The following PKHD1L1 variants were observed in gnomAD, a reference collection of about 807,000 sequenced individuals.
PKHD1L1 encodes fibrocystin-L.
Under a neutral mutation model 462.9 loss-of-function variants are expected in PKHD1L1, and 434 were observed. The observed-to-expected ratio is 0.94, with a 90% CI of 0.87 to 1.02. PKHD1L1 has a LOEUF of 1.02. Among genes scored for constraint, PKHD1L1 ranks in the 50% least tolerant of loss-of-function variants. The probability of loss-of-function intolerance (pLI) is 0.00; values close to 1 mark genes in which losing one functional copy is unlikely to be tolerated. For synonymous variants in PKHD1L1, 1,781 were observed against 1,750.0 expected, an observed-to-expected ratio of 1.02 and a Z score of -0.44; for missense variants, 5,202 against 5,096.1, an observed-to-expected ratio of 1.02 and a Z score of -0.63.
chr8:109,415,228 C>A (rs975938000), intron 21 of PKHD1L1, among the ~76,000 whole-genome samples: 3 of 151,770 alleles, frequency 2.0e-5, no homozygotes, highest in African/African-American at 4.8e-5. Context: ...TCTTGAACTC[C>A]TAGGCTCAAG....
Position 109,452,753 on chromosome 8 carries a change from C to A in PKHD1L1, c.6543C>A (p.Ser2181=). The change falls in exon 43 of 78, where the codon TCC becomes TCA. Residue 2181 remains serine (S), a synonymous_variant. Coordinates refer to ENST00000378402, the MANE Select transcript of PKHD1L1 (RefSeq NM_177531.6). The stretch of plus-strand genomic sequence containing the variant: ...ACTTTCTTTATGTTGATGCCTGGTC[C>A]TCCAATTTCTCATGGGGGGGAAAAT... ...NADFLYVDAW[S]SNFSWGGKSP... 2 of 1,540,270 alleles carry A rather than the reference C, an allele frequency of 1.3e-6. No individual in the cohort carries two copies. The highest frequency in any genetic ancestry group is 8.7e-7 in the Non-Finnish European group (1 of 1,144,758).
chr8:109,472,473 G>A (rs943289507), intron 50 of PKHD1L1, among the ~76,000 whole-genome samples: 6 of 151,928 alleles, frequency 3.9e-5, no homozygotes, highest in East Asian at 1.9e-4. Context: ...TTCTTGTCAC[G>A]TTTCTCTGCA....
At chr8:109,475,815 T>C (rs1345461059) in intron 51 of PKHD1L1, among the ~76,000 whole-genome samples, 2 of 133,364 alleles carry the variant, frequency 1.5e-5, no homozygotes, top group African/African-American at 5.8e-5. Context: ...CCCACTGTAC[T>C]CCAGCCTGGG....
At position 109,398,442 on chromosome 8, in the gene PKHD1L1, A is replaced by G. The variant is rs183177593; in HGVS notation, c.923-17A>G. The G allele has an allele frequency of 3.4e-6, 5 of 1,452,850 alleles. No individual in the cohort carries two copies. Among genetic ancestry groups the G allele is most frequent in the Non-Finnish European group, 4.7e-6 (5 of 1,055,748 alleles). 90.0% of individuals were successfully genotyped at this position (1,452,850 alleles called of 1,614,324 possible). A position where few individuals can be genotyped will look rare whatever the true frequency, so the allele number is the denominator to read the frequency against. ...GAAGTTTCAGTAGTAACGGTTTTGTATCTTGCTTCTCTATAGGTGAACCTT... is the reference window on the plus strand; with the variant it reads ...GAAGTTTCAGTAGTAACGGTTTTGTGTCTTGCTTCTCTATAGGTGAACCTT... On this transcript the variant is annotated splice_polypyrimidine_tract_variant and intron_variant, in intron 11 of 77. Transcript: ENST00000378402.
At chr8:109,406,245 A>G (rs2130568223) in intron 16 of PKHD1L1, 90 bp from the exon 17 acceptor site, 5 of 1,295,056 alleles carry the variant, frequency 3.9e-6, no homozygotes. Flanking sequence ...CTTTAAAAAT[A>G]TAAATACGAG....
At chr8:109,515,873 C>T (rs1586655164) in intron 72 of PKHD1L1, among the ~76,000 whole-genome samples, 1 of 152,124 alleles carries the variant, frequency 6.6e-6, no homozygotes, top group Admixed American at 6.6e-5. Context: ...AAACAGGGTT[C>T]TAATGAGGCC....
chr8:109,375,405 A>AT (rs1275693810), intron 2 of PKHD1L1, among the ~76,000 whole-genome samples: 2 of 151,490 alleles, frequency 1.3e-5, no homozygotes, highest in South Asian at 2.1e-4. Context: ...CATTCGTCTA[A>AT]TTTTTTTTCA....
chr8:109,488,784 G>C (rs765146341), intron 59 of PKHD1L1, among the ~76,000 whole-genome samples: 1 of 151,916 alleles, frequency 6.6e-6, no homozygotes, highest in African/African-American at 2.4e-5. Flanking sequence ...TGGTAATGAC[G>C]AACATGACAC....
intron 2 of PKHD1L1, among the ~76,000 whole-genome samples, chr8:109,377,469 G>T (rs933370401): frequency 2.3e-4 from 35 of 152,022 alleles, no homozygotes; most frequent in African/African-American, 8.4e-4. Context: ...ATACAAATTT[G>T]CTAGTGCAAA....
At chr8:109,415,847 TA>T (rs71305948) in intron 21 of PKHD1L1, among the ~76,000 whole-genome samples, 21,668 of 116,670 alleles carry the variant, frequency 0.19, 2,528 homozygotes, top group Admixed American at 0.31. Flanking sequence ...GACCTTGTCT[TA>T]AAAAAAAAAA....
chr8:109,398,073 A>G (rs956104229), intron 11 of PKHD1L1, among the ~76,000 whole-genome samples: 1 of 152,092 alleles, frequency 6.6e-6, no homozygotes, highest in African/African-American at 2.4e-5. Flanking sequence ...GAAGAGGTCT[A>G]GGGTCATCTA....
chr8:109,387,719 A>C (rs1024663921), intron 6 of PKHD1L1, among the ~76,000 whole-genome samples: 4 of 152,326 alleles, frequency 2.6e-5, no homozygotes, highest in Middle Eastern at 3.4e-3. Flanking sequence ...GAAGGGACTT[A>C]TGTGTAAAAG....
chr8:109,530,278 C>T lies in PKHD1L1; in HGVS notation c.*188C>T, dbSNP rs187242796. 3.1e-6 allele frequency: 1 copy of T among 318,510 alleles called. No homozygotes were observed. The highest frequency in any genetic ancestry group is 1.4e-4 in the South Asian group (1 of 7,072). 19.7% of individuals were successfully genotyped at this position (318,510 alleles called of 1,614,324 possible). A position where few individuals can be genotyped will look rare whatever the true frequency, so the allele number is the denominator to read the frequency against. On this transcript the variant is annotated 3_prime_UTR_variant, in exon 78 of 78. Coordinates refer to ENST00000378402, the MANE Select transcript of PKHD1L1 (RefSeq NM_177531.6). ...TTCAAAATATAAATTTGTTTTGATT[C>T]TTTATATTTATATGTTTTTATTTCA... is the stretch of plus-strand genomic sequence containing the variant.
Position 109,522,352 on chromosome 8 carries a change from C to A in PKHD1L1, c.12183+15C>A. 6.6e-7 allele frequency: 1 copy of A among 1,520,768 alleles called. No homozygotes were observed. The highest frequency in any genetic ancestry group is 2.4e-5 in the Admixed American group (1 of 42,492). 94.2% of individuals were successfully genotyped at this position (1,520,768 alleles called of 1,614,324 possible). ...GGTGGATTAAGGTAAGAAAATGCAA[C>A]TAGAAAAAATGCATTTTTTGGGACT... On this transcript the variant is annotated intron_variant, in intron 74 of 77. Transcript: ENST00000378402.
intron 3 of PKHD1L1, among the ~76,000 whole-genome samples, chr8:109,382,202 CTTG>C (rs56723471): frequency 0.3 from 45,068 of 151,796 alleles, 7,242 homozygotes; most frequent in Admixed American, 0.43. Context: ...TGTTATTATA[CTTG>C]TTGTCCTTTT....
Position 109,445,559 on chromosome 8 carries a change from T to G in PKHD1L1, c.5690T>G (p.Phe1897Cys), listed in dbSNP as rs774835557. The G allele has an allele frequency of 1.9e-6, 3 of 1,612,524 alleles. No homozygotes were observed. The highest frequency in any genetic ancestry group is 2.5e-6 in the Non-Finnish European group (3 of 1,179,154). ...GTTGMVDVKI[F>C]VNTIAYPPLL... The stretch of plus-strand genomic sequence containing the variant: ...ACTGGAATGGTCGATGTTAAAATCT[T>G]TGTTAATACAATTGCTTATCCACCT... Residue 1897 changes from phenylalanine to cysteine, a missense_variant, in exon 38 of 78, where the codon TTT becomes TGT. Phe to Cys is a radical substitution (Grantham distance 205, BLOSUM62 -2). This residue lies in a region of PKHD1L1 where 4,497 missense variants were observed against 4,336.8 expected (regional missense o/e 1.04). Coordinates refer to ENST00000378402, the MANE Select transcript of PKHD1L1 (RefSeq NM_177531.6).
At chr8:109,397,746 G>C (rs532574298) in intron 11 of PKHD1L1, among the ~76,000 whole-genome samples, 1 of 152,166 alleles carries the variant, frequency 6.6e-6, no homozygotes, top group East Asian at 1.9e-4. Context: ...AAATTTTCCA[G>C]GCTATCAAAC....
At chr8:109,431,809 G>A (rs547212249) in intron 27 of PKHD1L1, among the ~76,000 whole-genome samples, 6 of 152,110 alleles carry the variant, frequency 3.9e-5, no homozygotes, top group African/African-American at 7.2e-5. Context: ...TATTGCATAC[G>A]TGTTAGAGCT....
At chr8:109,458,307 A>G (rs558851843) in intron 46 of PKHD1L1, among the ~76,000 whole-genome samples, 1 of 152,142 alleles carries the variant, frequency 6.6e-6, no homozygotes, top group African/African-American at 2.4e-5. Context: ...AGTTTGATTT[A>G]GATTCTCAGC....
Sources: gnomAD v4.1 joint callset for allele counts (sites outside exome capture counted in the v4.1 genomes callset) on GRCh38, gnomAD v4.1.1 for gene constraint, gnomAD v4.1.1 regional missense constraint, MANE v1.5 for transcripts, NCBI Gene and HGNC (gene_info 2026-07-23, HGNC 2026-07-21) for gene names.